TMEM132D: variants seen among roughly 807,000 people sequenced by gnomAD.
TMEM132D encodes transmembrane protein 132D, also known as mature OL transmembrane protein.
TMEM132D carries 21 observed loss-of-function variants against 62.3 expected under a neutral mutation model. The ratio of observed to expected loss-of-function variants is 0.34; its 90% CI spans 0.24 to 0.49. The LOEUF (loss-of-function observed/expected upper bound fraction) is 0.49. Ranked by LOEUF, TMEM132D falls within the 20% of genes least tolerant of loss-of-function variation. The pLI is 0.99. For synonymous variants in TMEM132D, 621 were observed against 575.6 expected (o/e 1.08, Z -1.13); for missense variants, 1,346 against 1,402.8 (o/e 0.96, Z 0.65).
intron 1 of TMEM132D, among the ~76,000 whole-genome samples, chr12:129,716,876 T>C (rs1264170830): frequency 5.3e-5 from 8 of 152,214 alleles, no homozygotes; most frequent in Non-Finnish European, 1.0e-4. Flanking sequence ...AGAAGACAAC[T>C]ATAAACGAAC....
chr12:129,764,808 A>G (rs1384443940), intron 1 of TMEM132D, among the ~76,000 whole-genome samples: 1 of 152,058 alleles, frequency 6.6e-6, no homozygotes, highest in Non-Finnish European at 1.5e-5. Context: ...TGGTGTGGTG[A>G]TACAAGCATA....
intron 2 of TMEM132D, among the ~76,000 whole-genome samples, chr12:129,682,715 C>T (rs117903454): frequency 0.022 from 3,303 of 151,678 alleles, 161 homozygotes; most frequent in South Asian, 0.12. Flanking sequence ...AAGTATCAGC[C>T]GGGCGTGGTG....
chr12:129,855,117 T>TGGGTGCCCTTATAACAGAGTCC (rs1566009815), intron 1 of TMEM132D, among the ~76,000 whole-genome samples: 5 of 125,356 alleles, frequency 4.0e-5, no homozygotes, highest in Middle Eastern at 4.6e-3. Flanking sequence ...GGGAACGGGA[T>TGGGTGCCCTTATAACAGAGTCC]GGCTGCCCTT....
intron 1 of TMEM132D, among the ~76,000 whole-genome samples, chr12:129,799,868 G>T (rs1284634310): frequency 1.3e-5 from 2 of 152,106 alleles, no homozygotes; most frequent in African/African-American, 4.8e-5. Flanking sequence ...CAGCTCTGCA[G>T]CCTGGGGGCA....
At chr12:129,638,334 C>T (rs1438915280) in intron 2 of TMEM132D, among the ~76,000 whole-genome samples, 12 of 152,036 alleles carry the variant, frequency 7.9e-5, no homozygotes, top group Non-Finnish European at 1.5e-5. Flanking sequence ...AATTATGTGA[C>T]ACATCGGAGG....
chr12:129,449,353 A>G (rs1873199524), intron 3 of TMEM132D, among the ~76,000 whole-genome samples: 1 of 152,238 alleles, frequency 6.6e-6, no homozygotes, highest in Non-Finnish European at 1.5e-5. Flanking sequence ...TTAAGGAATG[A>G]ATAATTAAGG....
intron 3 of TMEM132D, among the ~76,000 whole-genome samples, chr12:129,510,043 C>T (rs529915027): frequency 6.6e-6 from 1 of 152,250 alleles, no homozygotes; most frequent in Non-Finnish European, 1.5e-5. Flanking sequence ...AATGAACCTC[C>T]AAACTATTCT....
At chr12:129,354,765 T>C (rs1296984929) in intron 3 of TMEM132D, among the ~76,000 whole-genome samples, 1 of 152,222 alleles carries the variant, frequency 6.6e-6, no homozygotes, top group Admixed American at 6.5e-5. Context: ...TCCATGAAGC[T>C]AAACATTTGT....
chr12:129,166,760 CACATAT>C lies in TMEM132D; in HGVS notation c.1443+42754_1443+42759del, dbSNP rs1877571447. On this transcript the variant is annotated intron_variant, in intron 5 of 8. Coordinates refer to ENST00000422113, the MANE Select transcript of TMEM132D (RefSeq NM_133448.3). ...ATATATACACATATACATACACACA[CACATAT>C]ATATATATACATATATATATATATA... is the stretch of plus-strand genomic sequence containing the variant. Among the ~76,000 whole-genome samples, 3 of 145,090 alleles carry C rather than the reference CACATAT, an allele frequency of 2.1e-5. No homozygotes were observed. The Admixed American group carries it at 2.1e-4, about 10-fold the overall frequency.
At chr12:129,105,570 G>GAA (rs71449389) in intron 5 of TMEM132D, among the ~76,000 whole-genome samples, 5 of 143,002 alleles carry the variant, frequency 3.5e-5, no homozygotes, top group Admixed American at 2.7e-4. Flanking sequence ...AAAAAAAAAA[G>GAA]AAAAAAACAA....
chr12:129,388,582 C>T lies in TMEM132D; in HGVS notation c.1116-50765G>A, dbSNP rs770495254. On this transcript the variant is annotated intron_variant, in intron 3 of 8. Coordinates refer to ENST00000422113, the MANE Select transcript of TMEM132D (RefSeq NM_133448.3). ...ACATGAATCCTAATATAAACACTAA[C>T]ACCGACACCAATACTAACACCAACA... Among the ~76,000 whole-genome samples the T allele has an allele frequency of 1.0e-3, 112 of 110,904 alleles. 8 individuals are homozygous for T. The highest frequency in any genetic ancestry group is 2.1e-3 in the Non-Finnish European group (98 of 47,482). 72.8% of individuals were successfully genotyped at this position (110,904 alleles called of 152,430 possible).
chr12:129,569,691 A>G (rs1045899700), intron 2 of TMEM132D, among the ~76,000 whole-genome samples: 42 of 152,286 alleles, frequency 2.8e-4, no homozygotes, highest in African/African-American at 9.6e-4. Context: ...AACACCCTCA[A>G]CGCTGACCCT....
intron 2 of TMEM132D, among the ~76,000 whole-genome samples, chr12:129,601,772 A>G (rs1878490065): frequency 6.6e-6 from 1 of 152,176 alleles, no homozygotes; most frequent in Admixed American, 6.6e-5. Context: ...TGGAGCCACA[A>G]ACAATAGTAA....
intron 3 of TMEM132D, among the ~76,000 whole-genome samples, chr12:129,367,088 G>A (rs1227724288): frequency 6.6e-6 from 1 of 152,220 alleles, no homozygotes; most frequent in African/African-American, 2.4e-5. Context: ...GCTGAGCACA[G>A]GGTGGCCCAT....
chr12:129,554,091 A>C (rs769032029), intron 2 of TMEM132D, among the ~76,000 whole-genome samples: 4 of 152,096 alleles, frequency 2.6e-5, no homozygotes, highest in Admixed American at 6.5e-5. Flanking sequence ...TGTCTTCTCC[A>C]TACTCCCCCC....
chr12:129,078,273 C>T (rs1436168226), intron 8 of TMEM132D, among the ~76,000 whole-genome samples: 1 of 152,240 alleles, frequency 6.6e-6, no homozygotes, highest in Non-Finnish European at 1.5e-5. Context: ...AGGGCTCCTG[C>T]CCCTTAATGG....
intron 2 of TMEM132D, among the ~76,000 whole-genome samples, chr12:129,602,425 G>A (rs891356291): frequency 6.6e-6 from 1 of 151,670 alleles, no homozygotes; most frequent in Non-Finnish European, 1.5e-5. Context: ...TTAAATTGTG[G>A]AGAAAAGGCA....
intron 1 of TMEM132D, among the ~76,000 whole-genome samples, chr12:129,852,018 G>A (rs920712906): frequency 6.6e-6 from 1 of 151,990 alleles, no homozygotes; most frequent in East Asian, 1.9e-4. Flanking sequence ...CTTGACCCTC[G>A]AGCTGCAGCT....
chr12:129,693,866 T>C (rs995337384), intron 2 of TMEM132D, among the ~76,000 whole-genome samples: 3 of 152,206 alleles, frequency 2.0e-5, no homozygotes, highest in African/African-American at 7.2e-5. Flanking sequence ...CTTGTGCAGC[T>C]ACTGCGCATG....
Sources: allele counts gnomAD v4.1 joint callset (sites outside exome capture counted in the v4.1 genomes callset), GRCh38; gene constraint gnomAD v4.1.1; transcripts MANE v1.5; gene names NCBI Gene and HGNC (gene_info 2026-07-23, HGNC 2026-07-21).